Variants in RXFP2 observed in about 807,000 individuals in gnomAD.
RXFP2 encodes the protein relaxin family peptide receptor 2, also known as relaxin receptor 2.
RXFP2 carries 68 observed loss-of-function variants against 88.6 expected under a neutral mutation model. That is an observed-to-expected ratio of 0.77 (90% CI 0.63 to 0.94). The LOEUF is 0.94. RXFP2 is among the 40% of genes least tolerant of loss of function. The pLI is 0.00. For synonymous variants in RXFP2, 329 were observed against 306.8 expected (o/e 1.07, Z -0.76); for missense variants, 791 against 893.9 (o/e 0.88, Z 1.47).
intron 5 of RXFP2, among the ~76,000 whole-genome samples, chr13:31,767,525 T>C (rs893887847): frequency 1.3e-4 from 20 of 152,180 alleles, no homozygotes; most frequent in Non-Finnish European, 1.5e-5. Context: ...AAAAATAAAA[T>C]AGCACTAGCA....
At chr13:31,754,551 C>T (rs9603639) in intron 1 of RXFP2, among the ~76,000 whole-genome samples, 44,339 of 151,634 alleles carry the variant, frequency 0.29, 6,910 homozygotes, top group Admixed American at 0.4. Context: ...AAAAAAGCAA[C>T]TCATAGTTAT....
intron 1 of RXFP2, among the ~76,000 whole-genome samples, chr13:31,744,365 T>C (rs573494314): frequency 6.6e-6 from 1 of 152,358 alleles, no homozygotes; most frequent in East Asian, 1.9e-4. Context: ...CACTGTGCTA[T>C]AGAAAAATGT....
At chr13:31,743,639 C>T (rs1464424733) in intron 1 of RXFP2, among the ~76,000 whole-genome samples, 10 of 151,786 alleles carry the variant, frequency 6.6e-5, no homozygotes, top group East Asian at 3.9e-4. Context: ...TCAAGCCTCT[C>T]GCCTCTCCTT....
intron 17 of RXFP2, among the ~76,000 whole-genome samples, chr13:31,798,831 C>G (rs1874181821): frequency 6.6e-6 from 1 of 152,168 alleles, no homozygotes; most frequent in African/African-American, 2.4e-5. Context: ...AAGATTTTAG[C>G]GTACTAAACA....
chr13:31,800,839 A>ACT (rs1874297400), intron 17 of RXFP2, among the ~76,000 whole-genome samples: 1 of 151,172 alleles, frequency 6.6e-6, no homozygotes, highest in African/African-American at 2.4e-5. Context: ...AGATTGTCTA[A>ACT]TTTTTTTAAA....
At chr13:31,745,915 A>G (rs9548937) in intron 1 of RXFP2, among the ~76,000 whole-genome samples, 36,454 of 152,082 alleles carry the variant, frequency 0.24, 4,578 homozygotes, top group South Asian at 0.42. Flanking sequence ...AAAGTGCTAC[A>G]CAAACGTTAA....
At chr13:31,786,712 G>A (rs926916878) in intron 13 of RXFP2, 75 bp downstream of exon 13, 1 of 935,778 alleles carries the variant, frequency 1.1e-6, no homozygotes, top group African/African-American at 1.7e-5. Context: ...TTTTAAATGG[G>A]TATTTTGCAC....
In RXFP2 at chr13:31,791,855, T is replaced by A; in HGVS notation, c.1195T>A (p.Cys399Ser). 3.1e-6 allele frequency: 5 copies of A among 1,614,164 alleles called. No individual in the cohort carries two copies. The highest frequency in any genetic ancestry group is 3.4e-6 in the Non-Finnish European group (4 of 1,179,996). The change falls in exon 15 of 18, where the codon TGT becomes AGT. Residue 399 changes from cysteine to serine, a missense_variant. Coordinates refer to ENST00000298386, the MANE Select transcript of RXFP2 (RefSeq NM_130806.5). ...YCSYAPHVRI[C>S]MPLTDGISSF... ...CTCCTATGCTCCCCATGTCCGAATA[T>A]GTATGCCCTTGACGGACGGCATTTC...
intron 11 of RXFP2, among the ~76,000 whole-genome samples, chr13:31,784,879 T>C (rs780243995): frequency 4.6e-5 from 7 of 152,256 alleles, no homozygotes; most frequent in Admixed American, 2.0e-4. Context: ...CCCTTAACCC[T>C]CATTTGCTCT....
At chr13:31,766,637 G>A (rs1008328953) in intron 5 of RXFP2, among the ~76,000 whole-genome samples, 16 of 152,138 alleles carry the variant, frequency 1.1e-4, no homozygotes, top group Non-Finnish European at 1.5e-5. Flanking sequence ...TGGAGGGTCA[G>A]GATGCACCAT....
At chr13:31,739,857 C>A in intron 1 of RXFP2, 151 bp downstream of exon 1, 2 of 668,768 alleles carry the variant, frequency 3.0e-6, no homozygotes, top group South Asian at 1.7e-5. Flanking sequence ...TCTTTCATTG[C>A]TTGTAGTCCC....
chr13:31,768,520 T>G (rs1400514289), intron 5 of RXFP2, among the ~76,000 whole-genome samples: 1 of 152,176 alleles, frequency 6.6e-6, no homozygotes, highest in Non-Finnish European at 1.5e-5. Flanking sequence ...GGAGAGAGGT[T>G]GTTTGCCCAA....
intron 11 of RXFP2, among the ~76,000 whole-genome samples, chr13:31,783,983 A>ATTTTTTTTTTTTTTTTTTTT (rs10686799): frequency 1.3e-4 from 16 of 121,556 alleles, no homozygotes; most frequent in Non-Finnish European, 1.8e-4. Context: ...TGCCTGGCTA[A>ATTTTTTTTTTTTTTTTTTTT]TTTTTTTTTT....
At chr13:31,789,713 A>C (rs1165999132) in intron 14 of RXFP2, among the ~76,000 whole-genome samples, 1 of 152,224 alleles carries the variant, frequency 6.6e-6, no homozygotes, top group African/African-American at 2.4e-5. Context: ...ATATGTGTTC[A>C]TAATTATTTC....
Position 31,775,383 on chromosome 13 carries a change from C to T in RXFP2, c.635C>T (p.Thr212Ile). 6.2e-7 allele frequency: 1 copy of T among 1,609,956 alleles called. No individual in the cohort carries two copies. The highest frequency in any genetic ancestry group is 8.5e-7 in the Non-Finnish European group (1 of 1,176,288). The change falls in exon 7 of 18, where the codon ACT becomes ATT. Residue 212 changes from threonine to isoleucine, a missense_variant. Transcript: ENST00000298386. Reference sequence around the variant, plus strand: ...ATATTCAAAGACTTACATCAGCTAACTTGGCTGTAAGTACTCTAATTCTTC... The same window carrying T: ...ATATTCAAAGACTTACATCAGCTAATTTGGCTGTAAGTACTCTAATTCTTC... ...PGIFKDLHQL[T>I]WLILDDNPIT...
chr13:31,762,278 C>T (rs891882584), intron 3 of RXFP2, among the ~76,000 whole-genome samples: 3 of 152,090 alleles, frequency 2.0e-5, no homozygotes, highest in Admixed American at 6.6e-5. Context: ...GATGGCTGTG[C>T]TGAGGATGGG....
chr13:31,743,192 A>C (rs943609633), intron 1 of RXFP2, among the ~76,000 whole-genome samples: 2 of 152,180 alleles, frequency 1.3e-5, no homozygotes, highest in African/African-American at 4.8e-5. Flanking sequence ...ATTGAGATTG[A>C]GGCCATACGC....
intron 2 of RXFP2, among the ~76,000 whole-genome samples, chr13:31,759,401 G>GAAAGAAAGAAAGAAAA (rs1566218395): frequency 1.4e-5 from 2 of 147,712 alleles, no homozygotes; most frequent in African/African-American, 5.0e-5. Context: ...AAGAAAGAAA[G>GAAAGAAAGAAAGAAAA]AAAGAAAGAA....
At chr13:31,799,750 A>T (rs543954292) in intron 17 of RXFP2, among the ~76,000 whole-genome samples, 3 of 152,176 alleles carry the variant, frequency 2.0e-5, no homozygotes, top group Admixed American at 2.0e-4. Context: ...TTCTGTCTGT[A>T]TGAGGCCACT....
Sources: allele counts gnomAD v4.1 joint callset (sites outside exome capture counted in the v4.1 genomes callset), GRCh38; gene constraint gnomAD v4.1.1; transcripts MANE v1.5; gene names NCBI Gene and HGNC (gene_info 2026-07-23, HGNC 2026-07-21).